Variants in RAD51B observed in about 807,000 individuals in gnomAD.
RAD51B encodes the protein RAD51 paralog B.
RAD51B carries 38 observed loss-of-function variants against 42.2 expected under a neutral mutation model. The observed-to-expected ratio is 0.90, with a 90% CI of 0.70 to 1.18. The LOEUF (loss-of-function observed/expected upper bound fraction) is 1.18. RAD51B is among the 50% of genes most tolerant of loss of function. RAD51B has a pLI of 0.00. For missense variants in RAD51B, 373 were observed against 400.7 expected (o/e 0.93, Z 0.59); for synonymous variants, 154 against 145.2 (o/e 1.06, Z -0.43).
At chr14:68,352,795 G>T (rs1283775944) in intron 8 of RAD51B, among the ~76,000 whole-genome samples, 2 of 152,178 alleles carry the variant, frequency 1.3e-5, no homozygotes, top group African/African-American at 4.8e-5. Context: ...GTTCTTCTAA[G>T]TCTGTGCTTG....
At chr14:67,902,295 A>G (rs1595083699) in intron 7 of RAD51B, among the ~76,000 whole-genome samples, 1 of 152,072 alleles carries the variant, frequency 6.6e-6, no homozygotes, top group East Asian at 1.9e-4. Context: ...TTCATATATA[A>G]TAATTTTATA....
intron 7 of RAD51B, among the ~76,000 whole-genome samples, chr14:68,116,604 A>T (rs1214749841): frequency 1.3e-5 from 2 of 152,112 alleles, no homozygotes; most frequent in Non-Finnish European, 2.9e-5. Flanking sequence ...TATATTGTGA[A>T]CCTTTAAGTT....
intron 7 of RAD51B, among the ~76,000 whole-genome samples, chr14:68,006,467 A>C (rs889499096): frequency 2.6e-4 from 39 of 152,082 alleles, no homozygotes; most frequent in Non-Finnish European, 4.4e-4. Flanking sequence ...CCTTTCAATT[A>C]TTCTAGAAAA....
chr14:68,497,404 C>A, intron 10 of RAD51B: 2 of 1,132,682 alleles, frequency 1.8e-6, no homozygotes, highest in Non-Finnish European at 2.2e-6. Flanking sequence ...TGATTTGATA[C>A]CATGGCACTG....
intron 11 of RAD51B, among the ~76,000 whole-genome samples, chr14:68,672,256 C>T (rs1199974779): frequency 2.0e-5 from 3 of 152,170 alleles, no homozygotes; most frequent in Non-Finnish European, 4.4e-5. Flanking sequence ...TATTGTTTCT[C>T]AATCCTTACT....
chr14:67,836,000 C>T (rs2041229917), intron 4 of RAD51B, among the ~76,000 whole-genome samples: 2 of 152,100 alleles, frequency 1.3e-5, no homozygotes, highest in African/African-American at 4.8e-5. Context: ...CTAAAGTGAG[C>T]TGTTTTTACT....
intron 7 of RAD51B, among the ~76,000 whole-genome samples, chr14:68,204,471 A>C (rs2079548094): frequency 1.3e-5 from 2 of 152,230 alleles, no homozygotes; most frequent in African/African-American, 4.8e-5. Context: ...ACATAATCAT[A>C]ATTGAAAAAG....
chr14:68,168,782 A>G (rs2078807582), intron 7 of RAD51B, among the ~76,000 whole-genome samples: 1 of 152,214 alleles, frequency 6.6e-6, no homozygotes, highest in Non-Finnish European at 1.5e-5. Context: ...AATTAACTTA[A>G]TAGAAATAAG....
At chr14:67,893,320 TA>T (rs1202109357) in intron 7 of RAD51B, among the ~76,000 whole-genome samples, 2 of 151,562 alleles carry the variant, frequency 1.3e-5, no homozygotes, top group East Asian at 1.9e-4. Context: ...AATAAAAAGT[TA>T]AAAAAAGAAA....
rs528769727 is a variant in RAD51B, at chr14:68,563,477, T to C, written c.1037-31008T>C. ...ACAGAGTACACATGTTGTGAAAATATGCAGGCTGGGGCTGAAGAAAAGAAA... is the reference window on the plus strand; with the variant it reads ...ACAGAGTACACATGTTGTGAAAATACGCAGGCTGGGGCTGAAGAAAAGAAA... On this transcript the variant is annotated intron_variant, in intron 10 of 10. Transcript: ENST00000487270. 268 of 985,468 alleles carry C rather than the reference T, an allele frequency of 2.7e-4. 2 individuals carry two copies. The African/African-American group carries it at 4.3e-3, about 16-fold the overall frequency. The allele number at this position is 985,468 out of a possible 1,614,324, so 61.0% of individuals were successfully genotyped here.
chr14:68,484,440 C>A (rs1441203833), intron 10 of RAD51B, among the ~76,000 whole-genome samples: 14 of 149,692 alleles, frequency 9.4e-5, no homozygotes, highest in African/African-American at 3.5e-4. Context: ...TCACTGCAAC[C>A]TCCGCCTTCC....
intron 7 of RAD51B, among the ~76,000 whole-genome samples, chr14:68,198,131 GGTAGCTA>G (rs2079410633): frequency 6.6e-6 from 1 of 151,960 alleles, no homozygotes; most frequent in Non-Finnish European, 1.5e-5. Context: ...TGTGTCATGA[GGTAGCTA>G]TCAAGGTTCA....
chr14:68,075,986 C>T (rs548732521), intron 7 of RAD51B, among the ~76,000 whole-genome samples: 3 of 152,228 alleles, frequency 2.0e-5, no homozygotes, highest in Non-Finnish European at 4.4e-5. Flanking sequence ...ATTGTTCAGG[C>T]CAGGCCGAGA....
chr14:68,211,526 T>C (rs1298330232), intron 7 of RAD51B, among the ~76,000 whole-genome samples: 1 of 152,242 alleles, frequency 6.6e-6, no homozygotes, highest in African/African-American at 2.4e-5. Context: ...CCTAGCTTTC[T>C]TAAATGAATT....
At chr14:67,833,445 C>T (rs1195916219) in intron 3 of RAD51B, among the ~76,000 whole-genome samples, 2 of 152,160 alleles carry the variant, frequency 1.3e-5, no homozygotes, top group Non-Finnish European at 2.9e-5. Context: ...TGTTTCTCCC[C>T]TTGTTCACAG....
chr14:68,570,979 C>T (rs11851347), intron 10 of RAD51B, among the ~76,000 whole-genome samples: 1,670 of 152,116 alleles, frequency 0.011, 31 homozygotes, highest in African/African-American at 0.039. Flanking sequence ...GTTTGCAAAC[C>T]GCTCACACAT....
At chr14:68,490,851 T>A (rs2842316) in intron 10 of RAD51B, among the ~76,000 whole-genome samples, 151,726 of 152,266 alleles carry the variant, frequency 1, 75,595 homozygotes, top group East Asian at 1. Flanking sequence ...AAGATGGACC[T>A]TGGAGAGGCC....
chr14:67,942,290 T>C (rs2045236354), intron 7 of RAD51B, among the ~76,000 whole-genome samples: 1 of 152,234 alleles, frequency 6.6e-6, no homozygotes, highest in East Asian at 1.9e-4. Context: ...TGAGATTTTT[T>C]CCTCTTTACT....
At chr14:68,007,543 T>C (rs1432645460) in intron 7 of RAD51B, among the ~76,000 whole-genome samples, 1 of 152,068 alleles carries the variant, frequency 6.6e-6, no homozygotes, top group Non-Finnish European at 1.5e-5. Flanking sequence ...AAAAAAATTA[T>C]ACCTGCTATT....
Sources: allele counts gnomAD v4.1 joint callset (sites outside exome capture counted in the v4.1 genomes callset), GRCh38; gene constraint gnomAD v4.1.1; transcripts MANE v1.5; gene names NCBI Gene and HGNC (gene_info 2026-07-23, HGNC 2026-07-21).